MAX: variants seen among roughly 807,000 people sequenced by gnomAD.
MAX encodes MYC associated transcriptional regulator X, also known as protein max.
A neutral mutation model predicts 22.3 loss-of-function variants in MAX; 3 were observed. That is an observed-to-expected ratio of 0.13 (90% CI 0.06 to 0.35). MAX has a LOEUF of 0.35. MAX is among the 10% of genes least tolerant of loss of function. MAX has a pLI of 1.00. For synonymous variants in MAX, 72 were observed against 77.7 expected (o/e 0.93, Z 0.39); for missense variants, 119 against 209.4 (o/e 0.57, Z 2.66).
At position 65,029,238 on chromosome 14, in the gene MAX, T is replaced by A. The variant is rs1230167521; in HGVS notation, c.172-22954A>T. Among the ~76,000 whole-genome samples, 2 of 152,244 alleles carry A rather than the reference T, an allele frequency of 1.3e-5. No individual in the cohort carries two copies. Among genetic ancestry groups the A allele is most frequent in the Non-Finnish European group, 2.9e-5 (2 of 68,040 alleles). On this transcript the variant is annotated intron_variant, in intron 3 of 3. Coordinates refer to the MAX transcript ENST00000341653. The surrounding 1 kb of genome is among the most constrained non-coding windows in gnomAD (Gnocchi z 4.7). ...AGCAGATTGCATCCATTTTCCTTGC[T>A]TTGCCTGGTTTCTAGTACCCCGATT...
At chr14:65,094,971 C>A (rs574083447) in intron 2 of MAX, among the ~76,000 whole-genome samples, 2 of 152,062 alleles carry the variant, frequency 1.3e-5, no homozygotes, top group East Asian at 1.9e-4. Flanking sequence ...GCCAGAAATT[C>A]AAAAAATGGA....
chr14:65,037,658 G>C (rs1455623159), intron 3 of MAX, among the ~76,000 whole-genome samples: 2 of 149,454 alleles, frequency 1.3e-5, no homozygotes, highest in Admixed American at 6.7e-5. Context: ...CTCCTGGGCT[G>C]ACGTAATCCT....
intron 3 of MAX, chr14:65,006,357 G>A: frequency 1.3e-6 from 2 of 1,592,934 alleles, no homozygotes; most frequent in Non-Finnish European, 1.7e-6. Context: ...CCAAATCTCT[G>A]CATTAACCCA....
At chr14:65,080,814 A>G (rs1393168845) in intron 3 of MAX, among the ~76,000 whole-genome samples, 1 of 152,254 alleles carries the variant, frequency 6.6e-6, no homozygotes, top group Non-Finnish European at 1.5e-5. Context: ...GAAACCAGAG[A>G]GCACTTGCAA....
rs1026273922 is a variant in MAX at position 65,082,721 on chromosome 14, T to C, written c.172-4685A>G. ...GGCTGAAGCTGCAGTGAGACAGGCT[T>C]GTGCCAACACACTCCAGCCTGAAAA... On this transcript the variant is annotated intron_variant, in intron 3 of 4. Transcript: ENST00000358664. This position sits in a 1 kb window ranked among gnomAD's most constrained non-coding sequence, Gnocchi z 4.8. 2.0e-5 allele frequency among the ~76,000 whole-genome samples: 3 copies of C among 151,670 alleles called. No homozygotes were observed. Among genetic ancestry groups the C allele is most frequent in the Non-Finnish European group, 4.4e-5 (3 of 67,970 alleles).
chr14:65,053,625 T>TAAAAAAAAACAAAAA (rs201558638), intron 3 of MAX, among the ~76,000 whole-genome samples: 7,566 of 145,408 alleles, frequency 0.052, 556 homozygotes, highest in African/African-American at 0.19. Context: ...CTTCTTTTTT[T>TAAAAAAAAACAAAAA]TAAAAAAAAC....
intron 3 of MAX, among the ~76,000 whole-genome samples, chr14:65,058,709 C>T (rs561564086): frequency 3.3e-5 from 5 of 152,044 alleles, no homozygotes; most frequent in South Asian, 2.1e-4. Flanking sequence ...ATGCTTTCTC[C>T]GCATCTGATT....
chr14:65,062,537 A>C lies in MAX; in HGVS notation c.171+31171T>G, dbSNP rs1291948457. The C allele has an allele frequency of 6.5e-6, 1 of 152,702 alleles. No homozygotes were observed. Among genetic ancestry groups the C allele is most frequent in the Non-Finnish European group, 1.5e-5 (1 of 68,064 alleles). 9.5% of individuals were successfully genotyped at this position (152,702 alleles called of 1,614,324 possible). A position where few individuals can be genotyped will look rare whatever the true frequency, so the allele number is the denominator to read the frequency against. On this transcript the variant is annotated intron_variant, in intron 3 of 3. Transcript: ENST00000341653. This position sits in a 1 kb window ranked among gnomAD's most constrained non-coding sequence, Gnocchi z 4.3. The stretch of plus-strand genomic sequence containing the variant: ...GCTGCGGGCAGACAGGAGCTCAGAG[A>C]TGCAGCATGAGGCGCTTAGAAAAAC...
chr14:65,101,019 G>A (rs1012238991), intron 2 of MAX, among the ~76,000 whole-genome samples: 1 of 152,194 alleles, frequency 6.6e-6, no homozygotes, highest in Non-Finnish European at 1.5e-5. Flanking sequence ...ACACTTTGAT[G>A]ATGTAACGTT....
rs1187729984 is a variant in MAX, at chr14:65,022,282, C to CT, written c.172-15999dup. Among the ~76,000 whole-genome samples the CT allele has an allele frequency of 2.0e-3, 278 of 136,442 alleles. 10 individuals are homozygous for CT. The South Asian group carries it at 0.045, about 22-fold the overall frequency. The allele number at this position is 136,442 out of a possible 152,430, so 89.5% of individuals were successfully genotyped here. ...ATTTCCAAAGCTGTAATCTTTTTTT[C>CT]TGTTTTTTTTTTTTTAAACCTGCCC... On this transcript the variant is annotated intron_variant, in intron 3 of 3. Coordinates refer to the MAX transcript ENST00000341653.
At chr14:65,052,307 G>C (rs958884553) in intron 3 of MAX, among the ~76,000 whole-genome samples, 1 of 152,054 alleles carries the variant, frequency 6.6e-6, no homozygotes, top group African/African-American at 2.4e-5. Flanking sequence ...GTAGAAAAAC[G>C]CATAGAACCA....
chr14:65,066,046 G>A (rs376125600), intron 3 of MAX, among the ~76,000 whole-genome samples: 1 of 152,200 alleles, frequency 6.6e-6, no homozygotes, highest in African/African-American at 2.4e-5. Flanking sequence ...GAGAGGTCTC[G>A]GGGAATAGGG....
At position 65,044,249 on chromosome 14, in the gene MAX, C is replaced by G. The variant is rs560423090; in HGVS notation, c.172-37965G>C. The G allele has an allele frequency of 2.3e-4, 362 of 1,607,174 alleles. 3 individuals carry two copies. The South Asian group carries it at 3.7e-3, about 16-fold the overall frequency. ...TCCCACAGATTGACTCCTGGAGATT[C>G]TGTCGGGCTGGATTTTGTCTCTTTT... On this transcript the variant is annotated intron_variant, in intron 3 of 3. Transcript: ENST00000341653. The surrounding 1 kb of genome is among the most constrained non-coding windows in gnomAD (Gnocchi z 5.5).
intron 3 of MAX, among the ~76,000 whole-genome samples, chr14:65,021,755 C>T (rs1350636669): frequency 6.6e-6 from 1 of 152,194 alleles, no homozygotes; most frequent in African/African-American, 2.4e-5. Context: ...AAGCGATTCT[C>T]GTGCTTCAGC....
downstream of MAX, among the ~76,000 whole-genome samples, chr14:65,074,367 A>C (rs2063017236): frequency 6.6e-6 from 1 of 152,070 alleles, no homozygotes; most frequent in Admixed American, 6.5e-5. Context: ...TGGAGGCTTG[A>C]TCATGTTTCA....
At chr14:65,075,010 C>A, downstream of MAX, 2 of 976,528 alleles carry the variant, frequency 2.0e-6, no homozygotes, top group Non-Finnish European at 2.5e-6. The surrounding 1 kb of genome is among the most constrained non-coding windows in gnomAD (Gnocchi z 4.1). Flanking sequence ...TTCTGCAAGA[C>A]CGGGTAAGCC....
Position 65,077,765 on chromosome 14 carries a change from CT to C in MAX, c.295+147del, listed in dbSNP as rs1212556506. On this transcript the variant is annotated intron_variant, in intron 4 of 4. Coordinates refer to ENST00000358664, the MANE Select transcript of MAX (RefSeq NM_002382.5). This position sits in a 1 kb window ranked among gnomAD's most constrained non-coding sequence, Gnocchi z 6.3. ...GTCCTTCCTCAGGACGGCTCTAACA[CT>C]CAGTTACTCAGGCCCCAAGAAGCAG... is the stretch of plus-strand genomic sequence containing the variant. 1 of 1,613,096 alleles carries C rather than the reference CT, an allele frequency of 6.2e-7. No individual in the cohort carries two copies. Among genetic ancestry groups the C allele is most frequent in the Non-Finnish European group, 8.5e-7 (1 of 1,179,752 alleles).
intron 3 of MAX, among the ~76,000 whole-genome samples, chr14:65,066,013 A>T (rs1040433053): frequency 6.6e-6 from 1 of 151,770 alleles, no homozygotes; most frequent in African/African-American, 2.4e-5. Context: ...CCCTTCCACC[A>T]CCGCAGGCCT....
At chr14:65,026,290 T>C (rs989895675) in intron 3 of MAX, among the ~76,000 whole-genome samples, 1 of 152,220 alleles carries the variant, frequency 6.6e-6, no homozygotes, top group African/African-American at 2.4e-5. Context: ...CCCGGACTGA[T>C]GATAGGGCTC....
Sources: allele counts gnomAD v4.1 joint callset (sites outside exome capture counted in the v4.1 genomes callset), GRCh38; gene constraint gnomAD v4.1.1; non-coding constraint Gnocchi (gnomAD v3.1); transcripts MANE v1.5; gene names NCBI Gene and HGNC (gene_info 2026-07-23, HGNC 2026-07-21).